The following STK11 variants were observed in gnomAD, a reference collection of about 807,000 sequenced individuals.
STK11 encodes the protein serine/threonine kinase 11, also known as serine/threonine-protein kinase STK11.
Under a neutral mutation model 47.3 loss-of-function variants are expected in STK11, and 8 were observed. The ratio of observed to expected loss-of-function variants is 0.17; its 90% CI spans 0.10 to 0.31. STK11 has a LOEUF of 0.31. STK11 is among the 10% of genes least tolerant of loss of function. The pLI is 1.00. For synonymous variants in STK11, 330 were observed against 255.8 expected (o/e 1.29, Z -2.77); for missense variants, 475 against 605.0 (o/e 0.79, Z 2.25).
chr19:1,207,745 C>T (rs1298142044), intron 1 of STK11, among the ~76,000 whole-genome samples: 3 of 152,362 alleles, frequency 2.0e-5, no homozygotes, highest in African/African-American at 4.8e-5. Flanking sequence ...CGTAGCCTTT[C>T]CTCATTTGCC....
intron 1 of STK11, among the ~76,000 whole-genome samples, chr19:1,208,121 C>T (rs766800902): frequency 1.3e-5 from 2 of 152,160 alleles, no homozygotes; most frequent in Non-Finnish European, 2.9e-5. Context: ...AGGACCTTAT[C>T]TGCTGGGCTA....
chr19:1,210,114 G>A (rs1313278664), intron 1 of STK11, among the ~76,000 whole-genome samples: 2 of 152,130 alleles, frequency 1.3e-5, no homozygotes, highest in African/African-American at 4.8e-5. Flanking sequence ...TGATTCAGGA[G>A]CCACTGCATT....
At chr19:1,214,078 C>T (rs1040550579) in intron 1 of STK11, among the ~76,000 whole-genome samples, 4 of 152,242 alleles carry the variant, frequency 2.6e-5, no homozygotes, top group African/African-American at 4.8e-5. Flanking sequence ...CACCTCGGAG[C>T]GGCTGGCGAT....
chr19:1,210,865 A>G (rs2080705062), intron 1 of STK11, among the ~76,000 whole-genome samples: 1 of 150,300 alleles, frequency 6.7e-6, no homozygotes, highest in Non-Finnish European at 1.5e-5. Context: ...TCCGTCTCGA[A>G]AAAAAAAAGG....
At chr19:1,227,181 TCCCAGC>T (rs900298893) in intron 9 of STK11, 8 of 158,680 alleles carry the variant, frequency 5.0e-5, no homozygotes, top group African/African-American at 7.2e-5. Context: ...CTGCCTCCTC[TCCCAGC>T]CCCAGCCCCA....
intron 1 of STK11, among the ~76,000 whole-genome samples, chr19:1,209,221 G>A (rs2080692411): frequency 7.2e-6 from 1 of 138,164 alleles, no homozygotes; most frequent in African/African-American, 2.5e-5. Flanking sequence ...GCTAGGCAGA[G>A]CCTGTGCTGG....
At chr19:1,224,972 A>G (rs1287215395) in intron 8 of STK11, 1 of 985,434 alleles carries the variant, frequency 1.0e-6, no homozygotes, top group Non-Finnish European at 1.2e-6. Flanking sequence ...GGGTCAGGCC[A>G]TCCTCTGCGC....
intron 5 of STK11, 64 bp from the exon 6 acceptor site, chr19:1,221,149 G>A (rs1460860610): frequency 7.5e-6 from 12 of 1,596,860 alleles, no homozygotes; most frequent in Non-Finnish European, 1.0e-5. Flanking sequence ...GGGTAGAGCT[G>A]GGGCTCCTAG....
chr19:1,209,537 G>A (rs991579639), intron 1 of STK11, among the ~76,000 whole-genome samples: 2 of 152,052 alleles, frequency 1.3e-5, no homozygotes, highest in Admixed American at 6.5e-5. Context: ...ACCCGAGATC[G>A]CACCATTGCG....
At chr19:1,223,455 G>A (rs563557998) in intron 8 of STK11, among the ~76,000 whole-genome samples, 55 of 152,358 alleles carry the variant, frequency 3.6e-4, no homozygotes, top group African/African-American at 1.3e-3. Context: ...CCACCCACCG[G>A]CCTTGGCCTG....
At chr19:1,216,465 A>T (rs1298752587) in intron 1 of STK11, 2 of 155,872 alleles carry the variant, frequency 1.3e-5, no homozygotes, top group African/African-American at 2.4e-5. Flanking sequence ...CTGTAGTCCC[A>T]GCGACTCAGG....
At chr19:1,215,140 G>A (rs915711336) in intron 1 of STK11, among the ~76,000 whole-genome samples, 5 of 152,208 alleles carry the variant, frequency 3.3e-5, no homozygotes, top group Non-Finnish European at 7.4e-5. Context: ...CAGCCTGGCA[G>A]GCAGGAAGGC....
At chr19:1,225,275 T>G in intron 8 of STK11, 1 of 983,272 alleles carries the variant, frequency 1.0e-6, no homozygotes, top group South Asian at 4.7e-5. Flanking sequence ...GTCTTTTTTA[T>G]CTTTTTTTTT....
At chr19:1,219,453 G>A (rs951888087) in intron 3 of STK11, 40 bp downstream of exon 3, 7 of 1,533,204 alleles carry the variant, frequency 4.6e-6, no homozygotes, top group South Asian at 2.4e-5. Flanking sequence ...GGCGGGGGCC[G>A]GGGGCCAGGC....
At chr19:1,223,488 G>T in intron 8 of STK11, 1 of 838,052 alleles carries the variant, frequency 1.2e-6, no homozygotes, top group Non-Finnish European at 1.6e-6. Context: ...AGCAGGCGGG[G>T]GAGCCCCAGG....
chr19:1,213,611 T>C (rs2080726449), intron 1 of STK11, among the ~76,000 whole-genome samples: 1 of 152,248 alleles, frequency 6.6e-6, no homozygotes, highest in East Asian at 1.9e-4. Context: ...ACCTCTCTGC[T>C]GTTCACGGCT....
intron 8 of STK11, chr19:1,223,772 C>A: frequency 9.6e-7 from 1 of 1,037,942 alleles, no homozygotes; most frequent in South Asian, 4.6e-5. Context: ...AGGGCCTTAG[C>A]GTAGGGGCGG....
chr19:1,228,218 G>A lies in STK11; in HGVS notation c.*642G>A. ...GCTTTGGCGGCCCGGCCGGAGGGCA[G>A]GACCCTCACCTCTCCCCCAAGGCCA... is the stretch of plus-strand genomic sequence containing the variant. On this transcript the variant is annotated 3_prime_UTR_variant, in exon 10 of 10. Coordinates refer to ENST00000326873, the MANE Select transcript of STK11 (RefSeq NM_000455.5). 1.1e-6 allele frequency: 1 copy of A among 872,740 alleles called. No homozygotes were observed. 54.1% of individuals were successfully genotyped at this position (872,740 alleles called of 1,614,324 possible). A position where few individuals can be genotyped will look rare whatever the true frequency, so the allele number is the denominator to read the frequency against.
intron 1 of STK11, among the ~76,000 whole-genome samples, chr19:1,211,879 C>G (rs1377710923): frequency 6.6e-6 from 1 of 152,200 alleles, no homozygotes; most frequent in African/African-American, 2.4e-5. Flanking sequence ...GGAGTCAGTC[C>G]TGGACTTTGT....
Sources: allele counts gnomAD v4.1 joint callset (sites outside exome capture counted in the v4.1 genomes callset), GRCh38; gene constraint gnomAD v4.1.1; transcripts MANE v1.5; gene names NCBI Gene and HGNC (gene_info 2026-07-23, HGNC 2026-07-21).